Variants in LZTFL1 observed in about 807,000 individuals in gnomAD.
LZTFL1 encodes leucine zipper transcription factor-like protein 1.
A neutral mutation model predicts 45.9 loss-of-function variants in LZTFL1; 25 were observed. The observed-to-expected ratio is 0.54, with a 90% CI of 0.40 to 0.76. The LOEUF (loss-of-function observed/expected upper bound fraction) is 0.76. Among genes scored for constraint, LZTFL1 ranks in the 30% least tolerant of loss-of-function variants. The pLI is 0.00. For synonymous variants in LZTFL1, 93 were observed against 117.4 expected (o/e 0.79, Z 1.35); for missense variants, 277 against 331.1 (o/e 0.84, Z 1.27).
At chr3:45,828,210 C>T (rs1421514499) in intron 8 of LZTFL1, among the ~76,000 whole-genome samples, 1 of 152,118 alleles carries the variant, frequency 6.6e-6, no homozygotes, top group African/African-American at 2.4e-5. Flanking sequence ...TTTCACTACA[C>T]CATAGAGGGA....
intron 2 of LZTFL1, among the ~76,000 whole-genome samples, chr3:45,898,209 A>G (rs151169186): frequency 1.5e-3 from 234 of 152,042 alleles, no homozygotes; most frequent in African/African-American, 5.4e-3. Context: ...TCTATTCTCA[A>G]GTTCTTCTTT....
At chr3:45,885,650 T>C (rs1055448310) in intron 2 of LZTFL1, among the ~76,000 whole-genome samples, 8 of 152,252 alleles carry the variant, frequency 5.3e-5, no homozygotes, top group Non-Finnish European at 8.8e-5. Context: ...TCCATTGGGA[T>C]AGCCACTAGC....
intron 5 of LZTFL1, chr3:45,832,562 TA>T: frequency 6.6e-6 from 1 of 151,260 alleles, no homozygotes; most frequent in Non-Finnish European, 1.5e-5. Flanking sequence ...TGCTGATAAA[TA>T]ATTTTTTTTT....
intron 4 of LZTFL1, among the ~76,000 whole-genome samples, chr3:45,852,333 A>G (rs1423381287): frequency 6.6e-6 from 1 of 152,234 alleles, no homozygotes; most frequent in Non-Finnish European, 1.5e-5. Flanking sequence ...CTAAGAATTT[A>G]TTTAAGAAAC....
chr3:45,901,456 TCTTC>T lies in LZTFL1; in HGVS notation c.-215+11660_-215+11663del, dbSNP rs773024857. On this transcript the variant is annotated intron_variant, in intron 2 of 4. Transcript: ENST00000472635. This position sits in a 1 kb window ranked among gnomAD's most constrained non-coding sequence, Gnocchi z 4.3. ...TTGACCCTGAAGGTCATTCTGGGGT[TCTTC>T]CTTCCCTTCGTGGTCATGGCTTGCT... 1 of 1,614,202 alleles carries T rather than the reference TCTTC, an allele frequency of 6.2e-7. No homozygotes were observed. Among genetic ancestry groups the T allele is most frequent in the South Asian group, 1.1e-5 (1 of 91,090 alleles).
chr3:45,873,752 A>G (rs560513245), intron 2 of LZTFL1, among the ~76,000 whole-genome samples: 1 of 152,232 alleles, frequency 6.6e-6, no homozygotes, highest in East Asian at 1.9e-4. Context: ...AACCAAACCA[A>G]AACAAAACCT....
At chr3:45,894,875 G>C in intron 2 of LZTFL1, 2 of 1,553,950 alleles carry the variant, frequency 1.3e-6, no homozygotes, top group South Asian at 2.2e-5. Flanking sequence ...TTACAAGCCA[G>C]TCCACTTTTT....
At chr3:45,889,531 TTAAAA>T (rs1348507451) in intron 2 of LZTFL1, among the ~76,000 whole-genome samples, 2 of 152,160 alleles carry the variant, frequency 1.3e-5, no homozygotes, top group African/African-American at 2.4e-5. Flanking sequence ...ATGACAGCTC[TTAAAA>T]TAAAATTTTA....
chr3:45,908,406 G>A (rs948708206), intron 2 of LZTFL1, among the ~76,000 whole-genome samples: 4 of 152,246 alleles, frequency 2.6e-5, no homozygotes, highest in Non-Finnish European at 5.9e-5. Flanking sequence ...CACTGGGCAA[G>A]GTGGTGAGCA....
At chr3:45,906,194 G>A (rs1702675919) in intron 2 of LZTFL1, among the ~76,000 whole-genome samples, 2 of 152,194 alleles carry the variant, frequency 1.3e-5, no homozygotes, top group Non-Finnish European at 2.9e-5. Context: ...GCCAGTCACA[G>A]AACTCCTCTG....
intron 2 of LZTFL1, among the ~76,000 whole-genome samples, chr3:45,872,476 G>A (rs1701685850): frequency 6.6e-6 from 1 of 152,176 alleles, no homozygotes; most frequent in South Asian, 2.1e-4. Context: ...GCTAATTTAT[G>A]AGCGTAGTGA....
chr3:45,857,305 G>A (rs537459062), intron 3 of LZTFL1, among the ~76,000 whole-genome samples: 1 of 152,250 alleles, frequency 6.6e-6, no homozygotes, highest in Non-Finnish European at 1.5e-5. Flanking sequence ...TCACTTATAA[G>A]TGGGAACTGA....
intron 7 of LZTFL1, among the ~76,000 whole-genome samples, chr3:45,830,199 A>C (rs1274665445): frequency 6.6e-6 from 1 of 152,242 alleles, no homozygotes; most frequent in Admixed American, 6.5e-5. Flanking sequence ...ATTTGCAATG[A>C]GAGTATGACC....
At chr3:45,887,594 C>T (rs115227401) in intron 2 of LZTFL1, among the ~76,000 whole-genome samples, 2,647 of 152,356 alleles carry the variant, frequency 0.017, 70 homozygotes, top group African/African-American at 0.06. Context: ...AAGGGCTGTG[C>T]AGCAGCCAGT....
intron 2 of LZTFL1, among the ~76,000 whole-genome samples, chr3:45,880,229 C>T (rs559075946): frequency 3.3e-5 from 5 of 152,132 alleles, no homozygotes; most frequent in Admixed American, 6.6e-5. Context: ...TCAGGCTAGG[C>T]GAGGTAGCTC....
chr3:45,913,135 T>C (rs1459135015), exon 2 of LZTFL1: 1 of 1,536,086 alleles, frequency 6.5e-7, no homozygotes, highest in Non-Finnish European at 8.7e-7. Context: ...TCCCTGGGTC[T>C]TGGTTCCTCA....
Position 45,834,379 on chromosome 3 carries a change from C to A in LZTFL1, c.324-81G>T, listed in dbSNP as rs79683255. 3.7e-3 allele frequency: 3,273 copies of A among 880,528 alleles called. 24 individuals are homozygous for A. Among genetic ancestry groups the A allele is most frequent in the African/African-American group, 0.029 (1,744 of 59,536 alleles). 54.5% of individuals were successfully genotyped at this position (880,528 alleles called of 1,614,324 possible). ...CGCAAGAAGAGTAAAATCACTGGTA[C>A]CAACCCATTACATGCCAGAGAGAAC... On this transcript the variant is annotated intron_variant, in intron 3 of 9. Transcript: ENST00000296135.
At position 45,826,335 on chromosome 3, in the gene LZTFL1, G is replaced by A; in HGVS notation, c.882-3C>T. 1 of 1,610,674 alleles carries A rather than the reference G, an allele frequency of 6.2e-7. No individual in the cohort carries two copies. The highest frequency in any genetic ancestry group is 1.1e-5 in the South Asian group (1 of 90,704). On this transcript the variant is annotated splice_region_variant and splice_polypyrimidine_tract_variant and intron_variant, in intron 9 of 9. Coordinates refer to ENST00000296135, the MANE Select transcript of LZTFL1 (RefSeq NM_020347.4). ...AGTTTTAATCTTCAGGTTCATATCT[G>A]GAGATATAAATTAAGAACACAATGT... is the stretch of plus-strand genomic sequence containing the variant.
chr3:45,870,769 G>A (rs148575277), intron 2 of LZTFL1, among the ~76,000 whole-genome samples: 38 of 152,300 alleles, frequency 2.5e-4, no homozygotes, highest in African/African-American at 8.9e-4. Flanking sequence ...GTTGATTACA[G>A]ACAAACGAAA....
Sources: allele counts gnomAD v4.1 joint callset (sites outside exome capture counted in the v4.1 genomes callset), GRCh38; gene constraint gnomAD v4.1.1; non-coding constraint Gnocchi (gnomAD v3.1); transcripts MANE v1.5; gene names NCBI Gene and HGNC (gene_info 2026-07-23, HGNC 2026-07-21).